TGFB2: variants seen among roughly 807,000 people sequenced by gnomAD.
TGFB2 encodes transforming growth factor beta 2.
A neutral mutation model predicts 42.7 loss-of-function variants in TGFB2; 13 were observed. The observed-to-expected ratio is 0.30, with a 90% CI of 0.20 to 0.48. TGFB2 has a LOEUF of 0.48. Among genes scored for constraint, TGFB2 ranks in the 20% least tolerant of loss-of-function variants. The pLI is 0.99. For missense variants in TGFB2, 390 were observed against 517.5 expected (o/e 0.75, Z 2.39); for synonymous variants, 193 against 193.6 (o/e 1.00, Z 0.03).
chr1:218,376,012 A>T (rs35981664), intron 1 of TGFB2, among the ~76,000 whole-genome samples: 36,068 of 152,114 alleles, frequency 0.24, 5,325 homozygotes, highest in South Asian at 0.38. Context: ...CAGGGGCTGT[A>T]GCGAAGGGGA....
intron 2 of TGFB2, among the ~76,000 whole-genome samples, chr1:218,423,601 G>A (rs1659525743): frequency 6.6e-6 from 1 of 152,206 alleles, no homozygotes. Context: ...GAAGTTTGGA[G>A]TATATAATCC....
chr1:218,433,508 A>G (rs1659874616), intron 2 of TGFB2, among the ~76,000 whole-genome samples: 1 of 152,244 alleles, frequency 6.6e-6, no homozygotes, highest in African/African-American at 2.4e-5. Flanking sequence ...ATAACAAATC[A>G]CATTAAGAGT....
At chr1:218,374,418 C>T (rs929744997) in intron 1 of TGFB2, among the ~76,000 whole-genome samples, 1 of 152,118 alleles carries the variant, frequency 6.6e-6, no homozygotes, top group Non-Finnish European at 1.5e-5. Flanking sequence ...CCACGTATTG[C>T]TAAGGACTTC....
chr1:218,385,099 T>G (rs1459729958), intron 1 of TGFB2, among the ~76,000 whole-genome samples: 4 of 152,092 alleles, frequency 2.6e-5, no homozygotes, highest in Non-Finnish European at 5.9e-5. Context: ...CTGGGTTTGA[T>G]TCTATTTTTT....
intron 1 of TGFB2, among the ~76,000 whole-genome samples, chr1:218,387,512 G>A (rs1480692172): frequency 6.6e-6 from 1 of 152,100 alleles, no homozygotes; most frequent in South Asian, 2.1e-4. Flanking sequence ...GTAACCTCAA[G>A]GGCAGGTAGT....
chr1:218,387,613 C>T (rs556204349), intron 1 of TGFB2, among the ~76,000 whole-genome samples: 50 of 150,958 alleles, frequency 3.3e-4, no homozygotes, highest in Admixed American at 2.8e-3. Flanking sequence ...TTGATGATAC[C>T]CTATATGAGA....
intron 1 of TGFB2, among the ~76,000 whole-genome samples, chr1:218,389,536 A>G (rs1658254308): frequency 6.6e-6 from 1 of 152,210 alleles, no homozygotes; most frequent in Non-Finnish European, 1.5e-5. Context: ...CGGCTGAAGA[A>G]CATTCTCAAG....
intron 2 of TGFB2, among the ~76,000 whole-genome samples, chr1:218,425,847 G>A (rs1188300294): frequency 1.3e-5 from 2 of 152,188 alleles, no homozygotes; most frequent in African/African-American, 4.8e-5. Context: ...CCTTGCCAAT[G>A]CCAGTATTTC....
intron 2 of TGFB2, among the ~76,000 whole-genome samples, chr1:218,405,731 T>C (rs903291666): frequency 2.6e-5 from 4 of 152,146 alleles, no homozygotes; most frequent in African/African-American, 9.7e-5. Flanking sequence ...TCTAGTGTCT[T>C]AGATTTTCTT....
chr1:218,415,327 T>C (rs2102605505), intron 2 of TGFB2, among the ~76,000 whole-genome samples: 1 of 152,322 alleles, frequency 6.6e-6, no homozygotes, highest in Admixed American at 6.5e-5. Context: ...TCTTGGTTGC[T>C]GTCCCAGGAG....
At position 218,346,066 on chromosome 1, in the gene TGFB2, A is replaced by G. The variant is rs1022114120; in HGVS notation, c.-636A>G. 4.6e-5 allele frequency among the ~76,000 whole-genome samples: 7 copies of G among 151,344 alleles called. No homozygotes were observed. The highest frequency in any genetic ancestry group is 2.0e-4 in the Admixed American group (3 of 15,230). ...CCAGCGCGCGCACACGCACACACAC[A>G]CACACACACACACACGCACGCACAC... On this transcript the variant is annotated 5_prime_UTR_variant, in exon 1 of 7. Coordinates refer to ENST00000366930, the MANE Select transcript of TGFB2 (RefSeq NM_003238.6). The surrounding 1 kb of genome is among the most constrained non-coding windows in gnomAD (Gnocchi z 4.9).
chr1:218,357,182 A>T (rs1657064780), intron 1 of TGFB2, among the ~76,000 whole-genome samples: 1 of 151,742 alleles, frequency 6.6e-6, no homozygotes, highest in Admixed American at 6.6e-5. Flanking sequence ...ACTGCACTCC[A>T]GCCTGGGAGA....
chr1:218,402,836 A>C (rs916208218), intron 1 of TGFB2, among the ~76,000 whole-genome samples: 29 of 152,230 alleles, frequency 1.9e-4, no homozygotes, highest in African/African-American at 7.0e-4. Context: ...CTCTGCGAAG[A>C]TGAATGCAGC....
chr1:218,428,727 T>C (rs527817712), intron 2 of TGFB2, among the ~76,000 whole-genome samples: 1 of 152,302 alleles, frequency 6.6e-6, no homozygotes, highest in South Asian at 2.1e-4. Context: ...CATGCTTTTT[T>C]GGTTACTGTA....
chr1:218,386,000 T>C (rs939827884), intron 1 of TGFB2, among the ~76,000 whole-genome samples: 3 of 152,244 alleles, frequency 2.0e-5, no homozygotes, highest in African/African-American at 7.2e-5. Context: ...AATCCTGTCA[T>C]AAGATCCTGG....
chr1:218,381,252 G>GTT (rs1260759095), intron 1 of TGFB2, among the ~76,000 whole-genome samples: 3 of 129,394 alleles, frequency 2.3e-5, no homozygotes, highest in African/African-American at 5.5e-5. Flanking sequence ...TTTTGTTTTT[G>GTT]TTTTTGTTTT....
intron 1 of TGFB2, among the ~76,000 whole-genome samples, chr1:218,368,249 A>C (rs974017395): frequency 6.6e-6 from 1 of 152,034 alleles, no homozygotes; most frequent in Non-Finnish European, 1.5e-5. Flanking sequence ...GGTTCAAGCA[A>C]TTCTCCTGCC....
intron 1 of TGFB2, among the ~76,000 whole-genome samples, chr1:218,389,207 T>C (rs1479109774): frequency 1.3e-5 from 2 of 152,174 alleles, no homozygotes; most frequent in East Asian, 1.9e-4. Flanking sequence ...ACCTAAAGGA[T>C]TGGGATTAAC....
At chr1:218,371,598 G>A (rs1199932869) in intron 1 of TGFB2, among the ~76,000 whole-genome samples, 1 of 152,136 alleles carries the variant, frequency 6.6e-6, no homozygotes, top group African/African-American at 2.4e-5. Flanking sequence ...TGGAGTTTAT[G>A]TATGTCCGGC....
Sources: gnomAD v4.1 joint callset for allele counts (sites outside exome capture counted in the v4.1 genomes callset) on GRCh38, gnomAD v4.1.1 for gene constraint, Gnocchi (gnomAD v3.1) non-coding constraint, MANE v1.5 for transcripts, NCBI Gene and HGNC (gene_info 2026-07-23, HGNC 2026-07-21) for gene names.